The following ABCB11 variants were observed in gnomAD, a reference collection of about 807,000 sequenced individuals.
ABCB11 encodes the protein ATP binding cassette subfamily B member 11.
Under a neutral mutation model 148.0 loss-of-function variants are expected in ABCB11, and 95 were observed. That is an observed-to-expected ratio of 0.64 (90% CI 0.54 to 0.76). ABCB11 has a LOEUF of 0.76. Ranked by LOEUF, ABCB11 falls within the 30% of genes least tolerant of loss-of-function variation. The pLI, the probability that ABCB11 is intolerant of heterozygous loss-of-function variation, is 0.00. For missense variants in ABCB11, 1,523 were observed against 1,617.8 expected (o/e 0.94, Z 1.01); for synonymous variants, 591 against 555.4 (o/e 1.06, Z -0.90).
At chr2:168,993,382 A>G (rs1004597700) in intron 8 of ABCB11, among the ~76,000 whole-genome samples, 1 of 152,042 alleles carries the variant, frequency 6.6e-6, no homozygotes, top group African/African-American at 2.4e-5. Flanking sequence ...CTAGTTTCTT[A>G]TATTTAAAAT....
downstream of ABCB11, among the ~76,000 whole-genome samples, chr2:168,919,127 C>T (rs1691003451): frequency 6.6e-6 from 1 of 152,098 alleles, no homozygotes; most frequent in Non-Finnish European, 1.5e-5. Flanking sequence ...CTATCCCATC[C>T]CAACCTACCC....
intron 16 of ABCB11, among the ~76,000 whole-genome samples, chr2:168,968,934 C>A (rs960920995): frequency 1.3e-5 from 2 of 151,770 alleles, no homozygotes; most frequent in African/African-American, 4.8e-5. Context: ...ATTGAGGTAA[C>A]CACCAAGTCT....
Position 168,932,504 on chromosome 2 carries a change from G to A in ABCB11, c.3086C>T (p.Thr1029Ile). The change falls in exon 24 of 28, where the codon ACA becomes ATA. Residue 1029 changes from threonine to isoleucine, a missense_variant. Physicochemically the swap from Thr to Ile is moderately conservative, Grantham distance 89 (BLOSUM62 -1). Transcript: ENST00000650372. ...GTAAGAGAAGGCTCTTCCAAGAGCT[G>A]TTGCACTCAGTACAACTGCAGAGAT... ...RVISAVVLSATALGRAFSYTP... is the reference protein window; with the variant it reads ...RVISAVVLSAIALGRAFSYTP... The A allele has an allele frequency of 3.1e-6, 5 of 1,613,732 alleles. No homozygotes were observed. The highest frequency in any genetic ancestry group is 4.2e-6 in the Non-Finnish European group (5 of 1,179,798).
At chr2:168,924,629 T>A (rs772437765) in intron 27 of ABCB11, 28 bp downstream of exon 27, 4 of 1,612,098 alleles carry the variant, frequency 2.5e-6, no homozygotes, top group Middle Eastern at 1.7e-4. Context: ...TTTGTAATGA[T>A]CTAAGACTTT....
chr2:168,970,299 T>C (rs570210455), intron 14 of ABCB11, 84 bp from the exon 15 acceptor site: 7 of 1,551,776 alleles, frequency 4.5e-6, no homozygotes, highest in East Asian at 4.9e-5. Context: ...CTTTCTGTCA[T>C]AGTTTTCTTC....
rs1000054476 is a variant in ABCB11, at chr2:168,922,021, T to C, written c.*1601A>G. ...CCGCCACCACGCCCGGCTAATTTTT[T>C]TGTATTTTTAGTAGAGACGGGGTTT... is the stretch of plus-strand genomic sequence containing the variant. On this transcript the variant is annotated 3_prime_UTR_variant, in exon 28 of 28. Coordinates refer to ENST00000650372, the MANE Select transcript of ABCB11 (RefSeq NM_003742.4). Among the ~76,000 whole-genome samples the C allele has an allele frequency of 6.6e-6, 1 of 151,998 alleles. No individual in the cohort carries two copies.
chr2:168,941,658 T>C (rs192235002), intron 21 of ABCB11, among the ~76,000 whole-genome samples: 102 of 152,188 alleles, frequency 6.7e-4, no homozygotes, highest in Non-Finnish European at 1.2e-3. Context: ...AATCCAATTT[T>C]GAAAGACATT....
At position 168,983,316 on chromosome 2, in the gene ABCB11, T is replaced by C. The variant is rs114005199; in HGVS notation, c.1083+2794A>G. Among the ~76,000 whole-genome samples the C allele has an allele frequency of 3.8e-3, 571 of 152,266 alleles. 1 individual carries two copies. The highest frequency in any genetic ancestry group is 0.017 in the Middle Eastern group (5 of 294). On this transcript the variant is annotated intron_variant, in intron 10 of 27. Coordinates refer to ENST00000650372, the MANE Select transcript of ABCB11 (RefSeq NM_003742.4). ...AAAGCCAACTACTGATATCCCTATT[T>C]TGGTAAATGTCAAAGTTCTTAGGAG...
At chr2:168,985,026 T>C (rs573765072) in intron 10 of ABCB11, among the ~76,000 whole-genome samples, 2 of 152,212 alleles carry the variant, frequency 1.3e-5, no homozygotes, top group East Asian at 3.9e-4. Context: ...CTTCACAATC[T>C]ACACATCTGA....
At chr2:169,012,879 C>T (rs115170763) in intron 5 of ABCB11, among the ~76,000 whole-genome samples, 1 of 152,130 alleles carries the variant, frequency 6.6e-6, no homozygotes, top group African/African-American at 2.4e-5. Flanking sequence ...TCACCAGCCA[C>T]AGCCACAAAG....
At chr2:169,020,371 G>A (rs903099167) in intron 1 of ABCB11, among the ~76,000 whole-genome samples, 2 of 151,718 alleles carry the variant, frequency 1.3e-5, no homozygotes, top group Non-Finnish European at 2.9e-5. Flanking sequence ...CAATGAAAAA[G>A]TACCAGTAAA....
chr2:168,955,107 T>A (rs1353065249), intron 19 of ABCB11, among the ~76,000 whole-genome samples: 13 of 151,688 alleles, frequency 8.6e-5, no homozygotes, highest in Non-Finnish European at 1.5e-4. Flanking sequence ...GCTTATTTTT[T>A]TAAAATGCTA....
intron 11 of ABCB11, among the ~76,000 whole-genome samples, 185 bp downstream of exon 11, chr2:168,979,672 CAAAAAAAAA>C (rs55859131): frequency 3.0e-5 from 3 of 100,146 alleles, no homozygotes; most frequent in African/African-American, 7.6e-5. Context: ...AACTCCATCT[CAAAAAAAAA>C]AAAAAAAAAA....
chr2:168,990,677 G>T, intron 9 of ABCB11, 124 bp downstream of exon 9: 1 of 1,230,258 alleles, frequency 8.1e-7, no homozygotes, highest in Non-Finnish European at 1.2e-6. Context: ...GCTCCCTCTT[G>T]AACAAGTACT....
intron 22 of ABCB11, 127 bp downstream of exon 22, chr2:168,936,103 G>T: frequency 1.1e-6 from 1 of 885,230 alleles, no homozygotes; most frequent in Non-Finnish European, 1.7e-6. Context: ...GGTGGTGGAA[G>T]GTTCTTAAGT....
intron 1 of ABCB11, among the ~76,000 whole-genome samples, chr2:169,019,387 T>C (rs1438459180): frequency 6.6e-6 from 1 of 152,136 alleles, no homozygotes; most frequent in Non-Finnish European, 1.5e-5. Context: ...AAGAATTGAT[T>C]GGAATAGATA....
At chr2:168,961,857 T>A (rs1693092083) in intron 18 of ABCB11, among the ~76,000 whole-genome samples, 1 of 151,744 alleles carries the variant, frequency 6.6e-6, no homozygotes, top group South Asian at 2.1e-4. Context: ...AATCGACCTT[T>A]AGCACCGTAA....
At chr2:168,929,213 G>A (rs994286397) in intron 25 of ABCB11, among the ~76,000 whole-genome samples, 10 of 152,002 alleles carry the variant, frequency 6.6e-5, no homozygotes, top group African/African-American at 2.4e-4. Context: ...CAACAAAAGG[G>A]GGTAAAAACT....
At chr2:168,993,359 T>C (rs1694604125) in intron 8 of ABCB11, among the ~76,000 whole-genome samples, 1 of 152,042 alleles carries the variant, frequency 6.6e-6, no homozygotes, top group African/African-American at 2.4e-5. Context: ...CAAATCCCCT[T>C]ACCTTTCTGA....
Sources: gnomAD v4.1 joint callset for allele counts (sites outside exome capture counted in the v4.1 genomes callset) on GRCh38, gnomAD v4.1.1 for gene constraint, MANE v1.5 for transcripts, NCBI Gene and HGNC (gene_info 2026-07-23, HGNC 2026-07-21) for gene names.